TADA2A: variants seen among roughly 807,000 people sequenced by gnomAD.
The protein encoded by TADA2A is transcriptional adaptor 2A, also known as transcriptional adapter 2-alpha.
A neutral mutation model predicts 67.4 loss-of-function variants in TADA2A; 38 were observed. The observed-to-expected ratio is 0.56, with a 90% CI of 0.44 to 0.74. The LOEUF (loss-of-function observed/expected upper bound fraction) is 0.74. TADA2A is among the 30% of genes least tolerant of loss of function. TADA2A has a pLI of 0.00. For synonymous variants in TADA2A, 192 were observed against 181.6 expected, an observed-to-expected ratio of 1.06 and a Z score of -0.46; for missense variants, 454 against 547.0, an observed-to-expected ratio of 0.83 and a Z score of 1.70.
intron 9 of TADA2A, among the ~76,000 whole-genome samples, chr17:37,459,882 A>G (rs1420829697): frequency 1.3e-5 from 2 of 151,140 alleles, no homozygotes; most frequent in Admixed American, 1.3e-4. Flanking sequence ...CCTGACCAAC[A>G]TGGTGAAACC....
chr17:37,438,449 G>C (rs1012575116), intron 5 of TADA2A, among the ~76,000 whole-genome samples: 3 of 151,862 alleles, frequency 2.0e-5, no homozygotes, highest in African/African-American at 4.8e-5. Flanking sequence ...AATATATTTT[G>C]TTCACAAATT....
intron 1 of TADA2A, chr17:37,408,420 T>G (rs1294889945): frequency 6.6e-6 from 1 of 152,020 alleles, no homozygotes; most frequent in East Asian, 1.9e-4. Flanking sequence ...CCCAGCTAAT[T>G]TTGTATTTTT....
chr17:37,423,546 C>T lies in TADA2A; in HGVS notation c.63C>T (p.Ser21=), dbSNP rs750660010. ...PSDKPPCRGC[S]SYLMEPYIKC... ...ATAAGCCACCTTGCCGAGGCTGCTC[C>T]TCCTACCTCATGGAGCCTTATATCA... Residue 21 remains serine, a synonymous_variant, in exon 3 of 16, where the codon TCC becomes TCT. Transcript: ENST00000615182. The T allele has an allele frequency of 6.2e-7, 1 of 1,613,026 alleles. No homozygotes were observed. Among genetic ancestry groups the T allele is most frequent in the South Asian group, 1.1e-5 (1 of 90,768 alleles).
At chr17:37,446,468 A>C (rs1470615864) in intron 8 of TADA2A, among the ~76,000 whole-genome samples, 1 of 152,080 alleles carries the variant, frequency 6.6e-6, no homozygotes, top group Non-Finnish European at 1.5e-5. Flanking sequence ...TCTGCTCAAA[A>C]ATACCAAATT....
chr17:37,424,128 A>G (rs568175616), intron 3 of TADA2A, among the ~76,000 whole-genome samples: 30 of 152,168 alleles, frequency 2.0e-4, no homozygotes, highest in East Asian at 7.7e-4. Flanking sequence ...ATTAGTCCAC[A>G]TCTGTGTTTA....
chr17:37,419,293 G>A (rs371581013), intron 2 of TADA2A, among the ~76,000 whole-genome samples: 7 of 144,538 alleles, frequency 4.8e-5, no homozygotes, highest in Non-Finnish European at 7.7e-5. Context: ...TCAGGCCTCC[G>A]TATAGCTGGG....
Position 37,463,839 on chromosome 17 carries a change from A to G in TADA2A, c.713-1592A>G, listed in dbSNP as rs1015307519. Among the ~76,000 whole-genome samples, 4 of 151,384 alleles carry G rather than the reference A, an allele frequency of 2.6e-5. No individual in the cohort carries two copies. In the East Asian group the frequency reaches 7.9e-4, roughly 30 times the overall value. ...GTGGTGGCAGGCGCCTGTAGTCCCA[A>G]CTACTCAGGAGGCTGAGGCAGGAGA... is the stretch of plus-strand genomic sequence containing the variant. On this transcript the variant is annotated intron_variant, in intron 10 of 15. Coordinates refer to ENST00000615182, the MANE Select transcript of TADA2A (RefSeq NM_001166105.3).
intron 2 of TADA2A, among the ~76,000 whole-genome samples, chr17:37,413,533 G>A (rs943244640): frequency 1.3e-5 from 2 of 149,068 alleles, no homozygotes; most frequent in African/African-American, 2.4e-5. Flanking sequence ...GTATATATAT[G>A]TTTTTTATTT....
At chr17:37,417,316 C>G (rs2052081282) in intron 2 of TADA2A, among the ~76,000 whole-genome samples, 1 of 150,406 alleles carries the variant, frequency 6.6e-6, no homozygotes, top group Non-Finnish European at 1.5e-5. Flanking sequence ...GCAGAGGTTG[C>G]AGTGAGCTGA....
rs1191203742 is a variant in TADA2A at position 37,417,997 on chromosome 17, A to T, written c.26-5512A>T. ...ATAGAAGACATGATTTAAGTACTAG[A>T]TACTTGAACCCATATGTTGAATCAC... On this transcript the variant is annotated intron_variant, in intron 2 of 15. Coordinates refer to ENST00000615182, the MANE Select transcript of TADA2A (RefSeq NM_001166105.3). Among the ~76,000 whole-genome samples, 4 of 152,216 alleles carry T rather than the reference A, an allele frequency of 2.6e-5. No individual in the cohort carries two copies. In the East Asian group the frequency reaches 7.7e-4, roughly 29 times the overall value.
intron 15 of TADA2A, among the ~76,000 whole-genome samples, chr17:37,475,599 G>A (rs2053877395): frequency 6.6e-6 from 1 of 152,032 alleles, no homozygotes; most frequent in East Asian, 1.9e-4. Context: ...CTGAGTAGCT[G>A]GGACTACAGG....
At chr17:37,457,387 G>T (rs2053424035) in intron 8 of TADA2A, among the ~76,000 whole-genome samples, 1 of 150,728 alleles carries the variant, frequency 6.6e-6, no homozygotes, top group East Asian at 2.0e-4. Flanking sequence ...CACCATATTG[G>T]CCAGGCTGAT....
At chr17:37,458,637 T>TTTTGTGTGTGTGTGTG (rs1230849870) in intron 9 of TADA2A, 50 bp downstream of exon 9, 10 of 981,564 alleles carry the variant, frequency 1.0e-5, no homozygotes, top group South Asian at 1.8e-5. Flanking sequence ...GATTATTGTT[T>TTTTGTGTGTGTGTGTG]TGTGTGTGTG....
At chr17:37,456,543 G>A (rs528810888) in intron 8 of TADA2A, among the ~76,000 whole-genome samples, 1 of 152,244 alleles carries the variant, frequency 6.6e-6, no homozygotes, top group South Asian at 2.1e-4. Context: ...AAGACTCATC[G>A]ACTATGGAGG....
chr17:37,432,178 T>TTTA (rs2052589370), intron 4 of TADA2A, among the ~76,000 whole-genome samples: 1 of 151,604 alleles, frequency 6.6e-6, no homozygotes, highest in Non-Finnish European at 1.5e-5. Context: ...TTATTTATTT[T>TTTA]TTTTTTGTGA....
rs887957835 is a variant in TADA2A at position 37,456,230 on chromosome 17, A to G, written c.605-2294A>G. ...AAGAAATGAGTCGAAAGGTAGGCGT[A>G]ATCAAGACAATAAATAGTCTTGTGT... On this transcript the variant is annotated intron_variant, in intron 8 of 15. Transcript: ENST00000615182. 3.3e-5 allele frequency among the ~76,000 whole-genome samples: 5 copies of G among 152,224 alleles called. 1 individual carries two copies. The highest frequency in any genetic ancestry group is 2.6e-4 in the Admixed American group (4 of 15,262).
intron 12 of TADA2A, among the ~76,000 whole-genome samples, chr17:37,469,929 C>T (rs940981369): frequency 3.9e-5 from 6 of 152,112 alleles, no homozygotes; most frequent in African/African-American, 7.2e-5. Context: ...TATTGGCTGC[C>T]TCTAAGAAAT....
At chr17:37,458,637 TTGTGTGTGTGTGTG>T (rs55935249) in intron 9 of TADA2A, 50 bp downstream of exon 9, 23 of 981,454 alleles carry the variant, frequency 2.3e-5, no homozygotes, top group South Asian at 5.3e-5. Flanking sequence ...GATTATTGTT[TTGTGTGTGTGTGTG>T]TGTGTGTGTG....
chr17:37,411,344 A>G lies in TADA2A; in HGVS notation c.-22A>G. On this transcript the variant is annotated 5_prime_UTR_variant, in exon 2 of 16. Transcript: ENST00000615182. ...AAGCTCTGCTGAGGAAGACCAAAGC[A>G]GCACTCGTTGCCAATTAGGGAATGG... is the stretch of plus-strand genomic sequence containing the variant. 1 of 1,613,936 alleles carries G rather than the reference A, an allele frequency of 6.2e-7. No individual in the cohort carries two copies. The highest frequency in any genetic ancestry group is 1.1e-5 in the South Asian group (1 of 91,080).
Sources: allele counts gnomAD v4.1 joint callset (sites outside exome capture counted in the v4.1 genomes callset), GRCh38; gene constraint gnomAD v4.1.1; transcripts MANE v1.5; gene names NCBI Gene and HGNC (gene_info 2026-07-23, HGNC 2026-07-21).